The following LARGE1 variants were observed in gnomAD, a reference collection of about 807,000 sequenced individuals.
LARGE1 encodes the protein xylosyl- and glucuronyltransferase LARGE1.
A neutral mutation model predicts 87.6 loss-of-function variants in LARGE1; 43 were observed. That is an observed-to-expected ratio of 0.49 (90% CI 0.38 to 0.63). LARGE1 has a LOEUF of 0.63. Ranked by LOEUF, LARGE1 falls within the 30% of genes least tolerant of loss-of-function variation. The pLI is 0.00. For missense variants in LARGE1, 802 were observed against 1,000.2 expected (o/e 0.80, Z 2.67); for synonymous variants, 434 against 394.6 (o/e 1.10, Z -1.18).
At chr22:33,152,451 C>T in the LARGE1 span, among the ~76,000 whole-genome samples, 1 of 152,206 alleles carries the variant, frequency 6.6e-6, no homozygotes, top group African/African-American at 2.4e-5. Context: ...CCCACTGTTC[C>T]CAAAACGCTA....
chr22:33,556,680 G>A (rs2077700451), intron 6 of LARGE1, among the ~76,000 whole-genome samples: 1 of 150,780 alleles, frequency 6.6e-6, no homozygotes, highest in South Asian at 2.1e-4. Flanking sequence ...TCTGGTCTGT[G>A]AACTCTCTGA....
chr22:33,739,243 G>A (rs1000036705), intron 2 of LARGE1, among the ~76,000 whole-genome samples: 1 of 152,044 alleles, frequency 6.6e-6, no homozygotes, highest in Non-Finnish European at 1.5e-5. Context: ...ACACCGGCAG[G>A]ACCAGCCTGG....
chr22:33,317,869 C>T lies in LARGE1; in HGVS notation c.1288-1621G>A, dbSNP rs144749272. 2.5e-3 allele frequency among the ~76,000 whole-genome samples: 381 copies of T among 152,192 alleles called. 2 individuals are homozygous for T. Among genetic ancestry groups the T allele is most frequent in the African/African-American group, 8.9e-3 (369 of 41,522 alleles). On this transcript the variant is annotated intron_variant, in intron 10 of 14. Transcript: ENST00000397394. ...GAGAGGGCTGGGAGTGACAGAAACC[C>T]GCTCCACCATGACTGGAGCGATGGG... is the stretch of plus-strand genomic sequence containing the variant.
At chr22:33,118,263 G>A in the LARGE1 span, among the ~76,000 whole-genome samples, 51 of 152,098 alleles carry the variant, frequency 3.4e-4, no homozygotes, top group Non-Finnish European at 6.8e-4. Context: ...TGGAAGGATC[G>A]CTTGAGCCCA....
intron 7 of LARGE1, among the ~76,000 whole-genome samples, chr22:33,384,988 T>C (rs1220821418): frequency 6.7e-6 from 1 of 148,928 alleles, no homozygotes; most frequent in East Asian, 1.9e-4. Context: ...GCCAATTTGC[T>C]TGATGATTAC....
At chr22:33,833,494 G>A (rs139977785) in intron 1 of LARGE1, among the ~76,000 whole-genome samples, 104 of 152,262 alleles carry the variant, frequency 6.8e-4, no homozygotes, top group Non-Finnish European at 1.2e-3. Context: ...ACAAGCCAAG[G>A]AGAGAGGCCC....
exon 12 of LARGE1, chr22:33,164,176 G>A (rs1037935370): frequency 6.6e-6 from 1 of 152,176 alleles, no homozygotes; most frequent in East Asian, 1.9e-4. Context: ...CTCACGAGGA[G>A]CAGAAACATC....
intron 7 of LARGE1, among the ~76,000 whole-genome samples, chr22:33,431,933 G>A (rs1413687686): frequency 2.0e-5 from 3 of 152,160 alleles, no homozygotes; most frequent in African/African-American, 7.2e-5. Flanking sequence ...TCAGGAGAGG[G>A]GCTTTCTGGT....
chr22:33,381,933 C>A lies in LARGE1; in HGVS notation c.1117G>T (p.Val373Leu). 1.2e-6 allele frequency: 2 copies of A among 1,614,128 alleles called. No individual in the cohort carries two copies. The highest frequency in any genetic ancestry group is 4.5e-5 in the East Asian group (2 of 44,858). Residue 373 changes from valine (V) to leucine (L), a missense_variant, in exon 9 of 15, where the codon GTG becomes TTG. Physicochemically the swap from Val to Leu is conservative, Grantham distance 32. Coordinates refer to ENST00000397394, the MANE Select transcript of LARGE1 (RefSeq NM_133642.5). ...HTRSEQCYRDVSDLKVIHWNS... is the reference protein window; with the variant it reads ...HTRSEQCYRDLSDLKVIHWNS... Reference sequence around the variant, plus strand: ...GTTGACCCTACCTTTAGATCAGACACGTCTCTGTAGCACTGCTCGGAGCGG... The same window carrying A: ...GTTGACCCTACCTTTAGATCAGACAAGTCTCTGTAGCACTGCTCGGAGCGG...
intron 9 of LARGE1, among the ~76,000 whole-genome samples, chr22:33,350,999 C>T (rs1446463850): frequency 6.6e-6 from 1 of 152,214 alleles, no homozygotes; most frequent in Non-Finnish European, 1.5e-5. Flanking sequence ...GTCACTCTTC[C>T]ATTAGCCTTA....
In LARGE1 at chr22:33,556,572, CAGGCAGGCAGGCAGGA is replaced by C. The variant is rs1280965549; in HGVS notation, c.787+8260_787+8275del. 1.3e-4 allele frequency among the ~76,000 whole-genome samples: 6 copies of C among 46,646 alleles called. No homozygotes were observed. In the East Asian group the frequency reaches 1.9e-3, roughly 15 times the overall value. 30.6% of individuals were successfully genotyped at this position (46,646 alleles called of 152,430 possible). ...GGAGGGAGGGAGGGAGGGAGGCAGG[CAGGCAGGCAGGCAGGA>C]AGGCAGGCAGGTAGGGAGGCAGGGA... On this transcript the variant is annotated intron_variant, in intron 6 of 14. Transcript: ENST00000397394.
chr22:33,837,268 AC>A (rs1754948447), intron 1 of LARGE1, among the ~76,000 whole-genome samples: 3 of 151,832 alleles, frequency 2.0e-5, no homozygotes, highest in Non-Finnish European at 4.4e-5. Flanking sequence ...ACACACACAC[AC>A]ACACACACAC....
intron 11 of LARGE1, among the ~76,000 whole-genome samples, chr22:33,168,347 T>C (rs926132534): frequency 1.6e-4 from 25 of 152,240 alleles, no homozygotes; most frequent in East Asian, 3.8e-4. Context: ...GCTGTATATA[T>C]AAGGCCAAAG....
rs144076486 is a variant in LARGE1, at chr22:33,915,042, C to CACAGAG, written c.-83+4952_-83+4953insCTCTGT. 9.7e-3 allele frequency among the ~76,000 whole-genome samples: 1,331 copies of CACAGAG among 137,054 alleles called. 19 individuals are homozygous for CACAGAG. Among genetic ancestry groups the CACAGAG allele is most frequent in the East Asian group, 0.06 (263 of 4,412 alleles). 89.9% of individuals were successfully genotyped at this position (137,054 alleles called of 152,430 possible). A position where few individuals can be genotyped will look rare whatever the true frequency, so the allele number is the denominator to read the frequency against. ...ACACACACACACACACACACACACA[C>CACAGAG]AGAGAGAGAGAGAGAGAGAGAGGCT... On this transcript the variant is annotated intron_variant, in intron 1 of 14. Transcript: ENST00000397394.
At chr22:33,085,012 A>G in the LARGE1 span, among the ~76,000 whole-genome samples, 8 of 152,276 alleles carry the variant, frequency 5.3e-5, no homozygotes, top group African/African-American at 1.9e-4. Flanking sequence ...ACAGTGGCTC[A>G]CACCTGTAAT....
intron 6 of LARGE1, among the ~76,000 whole-genome samples, chr22:33,454,633 A>AAAG (rs1239925717): frequency 2.0e-5 from 3 of 150,582 alleles, no homozygotes; most frequent in South Asian, 2.1e-4. Flanking sequence ...AAAAAAAAAA[A>AAAG]AAGAAGAAGA....
chr22:33,447,235 G>C (rs1394777576), intron 6 of LARGE1, among the ~76,000 whole-genome samples: 2 of 152,224 alleles, frequency 1.3e-5, no homozygotes, highest in African/African-American at 2.4e-5. Context: ...CCACTATGTG[G>C]AGTAGGATCA....
chr22:33,837,330 C>T (rs1601739297), intron 1 of LARGE1, among the ~76,000 whole-genome samples: 1 of 136,652 alleles, frequency 7.3e-6, no homozygotes, highest in Admixed American at 6.8e-5. Context: ...AGGATATATA[C>T]ACACACACAT....
intron 11 of LARGE1, among the ~76,000 whole-genome samples, chr22:33,186,375 C>A (rs76881298): frequency 0.085 from 13,004 of 152,142 alleles, 748 homozygotes; most frequent in Middle Eastern, 0.2. Context: ...GAAGTAGCTA[C>A]TGCATTAACA....
Sources: allele counts gnomAD v4.1 joint callset (sites outside exome capture counted in the v4.1 genomes callset), GRCh38; gene constraint gnomAD v4.1.1; transcripts MANE v1.5; gene names NCBI Gene and HGNC (gene_info 2026-07-23, HGNC 2026-07-21).